CEPT1: variants seen among roughly 807,000 people sequenced by gnomAD.
The protein encoded by CEPT1 is choline/ethanolaminephosphotransferase 1.
A neutral mutation model predicts 42.6 loss-of-function variants in CEPT1; 7 were observed. The ratio of observed to expected loss-of-function variants is 0.16; its 90% CI spans 0.09 to 0.31. The LOEUF (loss-of-function observed/expected upper bound fraction) is 0.31, where lower values mean the gene tolerates loss of function less well. Among genes scored for constraint, CEPT1 ranks in the 10% least tolerant of loss-of-function variants. The pLI is 1.00. For missense variants in CEPT1, 306 were observed against 502.1 expected, an observed-to-expected ratio of 0.61 and a Z score of 3.73; for synonymous variants, 171 against 171.9, an observed-to-expected ratio of 0.99 and a Z score of 0.04.
intron 2 of CEPT1, among the ~76,000 whole-genome samples, chr1:111,153,083 C>T (rs1655369753): frequency 6.6e-6 from 1 of 152,158 alleles, no homozygotes; most frequent in Non-Finnish European, 1.5e-5. Flanking sequence ...TCCTACATAG[C>T]TGTAACTTTG....
At chr1:111,183,385 G>C (rs771357607) in intron 7 of CEPT1, 77 bp from the exon 8 acceptor site, 293 of 1,488,628 alleles carry the variant, frequency 2.0e-4, no homozygotes, top group South Asian at 6.4e-4. Context: ...GTTGATATCT[G>C]AGCACAATAT....
At chr1:111,156,216 C>T (rs1233091654) in intron 2 of CEPT1, among the ~76,000 whole-genome samples, 1 of 152,064 alleles carries the variant, frequency 6.6e-6, no homozygotes, top group Non-Finnish European at 1.5e-5. Context: ...TGCAAAGTTC[C>T]TCTTGTTATT....
At chr1:111,162,168 G>A (rs1489271702) in intron 4 of CEPT1, among the ~76,000 whole-genome samples, 1 of 152,208 alleles carries the variant, frequency 6.6e-6, no homozygotes, top group Admixed American at 6.5e-5. Flanking sequence ...GGGAACTTTT[G>A]CAGGACCTAA....
chr1:111,164,438 A>G (rs1285962182), intron 4 of CEPT1, among the ~76,000 whole-genome samples: 1 of 152,122 alleles, frequency 6.6e-6, no homozygotes, highest in Admixed American at 6.5e-5. Context: ...AGAGGCTAGA[A>G]TTTCATGGGA....
chr1:111,145,690 G>T (rs562794799), intron 1 of CEPT1, among the ~76,000 whole-genome samples: 4 of 152,268 alleles, frequency 2.6e-5, no homozygotes, highest in African/African-American at 9.6e-5. Context: ...TGCACATGTG[G>T]CCTGGGTTCA....
intron 2 of CEPT1, among the ~76,000 whole-genome samples, chr1:111,150,187 A>G (rs889825389): frequency 7.2e-5 from 11 of 152,186 alleles, no homozygotes; most frequent in Non-Finnish European, 1.0e-4. Context: ...GCATTTAAAT[A>G]GGTCTTGGTT....
In CEPT1 at chr1:111,167,453, T is replaced by C. The variant is rs142286303; in HGVS notation, c.629+6157T>C. On this transcript the variant is annotated intron_variant, in intron 4 of 8. Transcript: ENST00000357172. Reference sequence around the variant, plus strand: ...TCCTGTTTGCCTATTGTGCCTATTATTTTTATTCTATGTACTATTTTTTAA... The same window carrying C: ...TCCTGTTTGCCTATTGTGCCTATTACTTTTATTCTATGTACTATTTTTTAA... The C allele has an allele frequency of 6.9e-6, 6 of 869,882 alleles. No individual in the cohort carries two copies. The African/African-American group carries it at 7.3e-5, about 11-fold the overall frequency. The allele number at this position is 869,882 out of a possible 1,614,324, so 53.9% of individuals were successfully genotyped here. A position where few individuals can be genotyped will look rare whatever the true frequency, so the allele number is the denominator to read the frequency against.
rs1655056718 is a variant in CEPT1 at position 111,147,842 on chromosome 1, T to G, written c.128T>G (p.Leu43Trp). 1 of 1,614,146 alleles carries G rather than the reference T, an allele frequency of 6.2e-7. No homozygotes were observed. Among genetic ancestry groups the G allele is most frequent in the Non-Finnish European group, 8.5e-7 (1 of 1,180,028 alleles). ...NKLFQLPTPP[L>W]SRHQLKRLEE... ...TTGTTTCAGTTACCAACACCACCAT[T>G]GTCAAGACACCAACTAAAGCGGCTA... The change falls in exon 2 of 9, where the codon TTG becomes TGG. Residue 43 changes from leucine (L) to tryptophan (W), a missense_variant. This residue lies in a region of CEPT1 where 53 missense variants were observed against 54.8 expected (regional missense o/e 0.97). Transcript: ENST00000357172.
intron 2 of CEPT1, among the ~76,000 whole-genome samples, chr1:111,151,051 G>A (rs1444735808): frequency 6.6e-6 from 1 of 151,908 alleles, no homozygotes; most frequent in East Asian, 1.9e-4. Flanking sequence ...AGTGACTATG[G>A]CCTGTGACAC....
At chr1:111,147,191 C>T (rs1313716383) in intron 1 of CEPT1, among the ~76,000 whole-genome samples, 3 of 151,992 alleles carry the variant, frequency 2.0e-5, no homozygotes, top group East Asian at 1.9e-4. Flanking sequence ...AAGGGCATGC[C>T]CAATAAATGT....
At chr1:111,163,399 G>A (rs1655970321) in intron 4 of CEPT1, among the ~76,000 whole-genome samples, 1 of 152,182 alleles carries the variant, frequency 6.6e-6, no homozygotes, top group Non-Finnish European at 1.5e-5. Flanking sequence ...GGAGCCCGAG[G>A]AAAGAGGATC....
chr1:111,179,335 T>G (rs1386057950), intron 5 of CEPT1: 1 of 152,194 alleles, frequency 6.6e-6, no homozygotes, highest in Admixed American at 6.5e-5. Flanking sequence ...GACACCATGG[T>G]CCAAAGGAAT....
chr1:111,160,969 AAGAG>A (rs1282180505), intron 3 of CEPT1, 182 bp from the exon 4 acceptor site: 3 of 615,678 alleles, frequency 4.9e-6, no homozygotes, highest in South Asian at 4.2e-5. Context: ...AAAAAAAAAA[AAGAG>A]AGATTGAAAT....
At chr1:111,158,733 G>T (rs920486597) in intron 2 of CEPT1, among the ~76,000 whole-genome samples, 1 of 152,010 alleles carries the variant, frequency 6.6e-6, no homozygotes, top group African/African-American at 2.4e-5. Context: ...CAAACATTTT[G>T]AAGGATATGA....
At chr1:111,151,448 G>A (rs1224994646) in intron 2 of CEPT1, among the ~76,000 whole-genome samples, 1 of 152,290 alleles carries the variant, frequency 6.6e-6, no homozygotes, top group East Asian at 1.9e-4. Flanking sequence ...TTTTAGAGAG[G>A]CATGAGACAT....
In CEPT1 at chr1:111,159,255, T is replaced by C. The variant is rs1223922977; in HGVS notation, c.340-125T>C. ...AATTGTTTCAGTGAGTTCTTCATTA[T>C]GTAGCACTTGGATCTTCTCTCCCAT... On this transcript the variant is annotated intron_variant, in intron 2 of 8. Coordinates refer to ENST00000357172, the MANE Select transcript of CEPT1 (RefSeq NM_006090.5). 4.7e-6 allele frequency: 4 copies of C among 854,862 alleles called. No individual in the cohort carries two copies. In the South Asian group the frequency reaches 6.6e-5, roughly 14 times the overall value. The allele number at this position is 854,862 out of a possible 1,614,324, so 53.0% of individuals were successfully genotyped here.
At chr1:111,147,411 G>A (rs963828343) in intron 1 of CEPT1, among the ~76,000 whole-genome samples, 8 of 152,098 alleles carry the variant, frequency 5.3e-5, no homozygotes, top group Non-Finnish European at 8.8e-5. Flanking sequence ...TCAGATAATA[G>A]GAAGCATACT....
intron 4 of CEPT1, chr1:111,167,561 A>AG: frequency 2.1e-6 from 2 of 949,896 alleles, no homozygotes; most frequent in Non-Finnish European, 2.5e-6. Flanking sequence ...AGTTTTTCTT[A>AG]GGTAAGGAAG....
At chr1:111,158,674 C>G (rs1655701672) in intron 2 of CEPT1, among the ~76,000 whole-genome samples, 1 of 152,006 alleles carries the variant, frequency 6.6e-6, no homozygotes, top group Non-Finnish European at 1.5e-5. Context: ...AGTGTTTAAC[C>G]CAGTGTTTCC....
Sources: allele counts gnomAD v4.1 joint callset (sites outside exome capture counted in the v4.1 genomes callset), GRCh38; gene constraint gnomAD v4.1.1; regional missense constraint gnomAD v4.1.1; transcripts MANE v1.5; gene names NCBI Gene and HGNC (gene_info 2026-07-23, HGNC 2026-07-21).